The following PPP4R1 variants were observed in gnomAD, a reference collection of about 807,000 sequenced individuals.
PPP4R1 encodes the protein protein phosphatase 4 regulatory subunit 1.
Under a neutral mutation model 111.2 loss-of-function variants are expected in PPP4R1, and 42 were observed. The ratio of observed to expected loss-of-function variants is 0.38; its 90% CI spans 0.29 to 0.49. The LOEUF is 0.49. PPP4R1 is among the 20% of genes least tolerant of loss of function. PPP4R1 has a pLI of 0.97. For missense variants in PPP4R1, 1,012 were observed against 1,161.6 expected, an observed-to-expected ratio of 0.87 and a Z score of 1.87; for synonymous variants, 409 against 405.5, an observed-to-expected ratio of 1.01 and a Z score of -0.10.
At chr18:9,580,729 C>A (rs2067015445) in intron 9 of PPP4R1, among the ~76,000 whole-genome samples, 1 of 152,160 alleles carries the variant, frequency 6.6e-6, no homozygotes, top group Admixed American at 6.5e-5. Flanking sequence ...CTGGGGTCTG[C>A]TCTCCCGCAG....
chr18:9,562,701 G>C (rs1269164982), intron 12 of PPP4R1, among the ~76,000 whole-genome samples: 1 of 152,138 alleles, frequency 6.6e-6, no homozygotes, highest in Non-Finnish European at 1.5e-5. Flanking sequence ...AGTGTGTGCA[G>C]GTACTCTTTC....
At chr18:9,612,012 T>C (rs2067589474) in intron 2 of PPP4R1, among the ~76,000 whole-genome samples, 1 of 116,490 alleles carries the variant, frequency 8.6e-6, no homozygotes, top group African/African-American at 3.7e-5. Flanking sequence ...AAACTCCATC[T>C]CAAAAAAAAA....
At position 9,583,205 on chromosome 18, in the gene PPP4R1, A is replaced by C; in HGVS notation, c.830T>G (p.Met277Arg). The C allele has an allele frequency of 6.2e-7, 1 of 1,611,698 alleles. No individual in the cohort carries two copies. The highest frequency in any genetic ancestry group is 8.5e-7 in the Non-Finnish European group (1 of 1,178,220). Reference sequence around the variant, plus strand: ...TTGACATGTTGCACATGAAACCGCCATGAAGCATTCAGCACAAGCCTTTCG... The same window carrying C: ...TTGACATGTTGCACATGAAACCGCCCTGAAGCATTCAGCACAAGCCTTTCG... ...GVRKACAECF[M>R]AVSCATCQEI... is the part of the protein sequence containing the mutation. The change falls in exon 9 of 20, where the codon ATG becomes AGG. Residue 277 changes from methionine to arginine, a missense_variant. Around this residue, in one of 2 missense-constraint regions of PPP4R1, gnomAD observed 707 missense variants for 742.1 expected, o/e 0.95. Transcript: ENST00000400556.
chr18:9,611,529 T>C (rs1471440654), intron 2 of PPP4R1, among the ~76,000 whole-genome samples: 1 of 152,232 alleles, frequency 6.6e-6, no homozygotes, highest in East Asian at 1.9e-4. Flanking sequence ...CAACTGGCCA[T>C]ATGTCCAAAA....
chr18:9,555,611 A>G (rs936014749), intron 15 of PPP4R1, among the ~76,000 whole-genome samples: 2 of 152,198 alleles, frequency 1.3e-5, no homozygotes, highest in African/African-American at 4.8e-5. Flanking sequence ...AAAATACATG[A>G]CAACCTACAC....
intron 15 of PPP4R1, among the ~76,000 whole-genome samples, chr18:9,555,865 G>GCT (rs879925768): frequency 0.024 from 3,575 of 152,080 alleles, 70 homozygotes; most frequent in South Asian, 0.083. Context: ...GGCCAGGCAT[G>GCT]GTGGCTCACG....
chr18:9,612,667 A>G (rs1891579351), intron 2 of PPP4R1: 1 of 152,230 alleles, frequency 6.6e-6, no homozygotes, highest in Non-Finnish European at 1.5e-5. Flanking sequence ...TCGAGGTAAC[A>G]TAATCAGGGC....
intron 4 of PPP4R1, among the ~76,000 whole-genome samples, chr18:9,591,575 A>G (rs531711741): frequency 1.3e-5 from 2 of 152,340 alleles, no homozygotes; most frequent in Non-Finnish European, 2.9e-5. Flanking sequence ...TTATTTGTCT[A>G]AACTAAGGAT....
At chr18:9,566,242 A>G (rs1309867421) in intron 11 of PPP4R1, among the ~76,000 whole-genome samples, 2 of 152,040 alleles carry the variant, frequency 1.3e-5, no homozygotes, top group East Asian at 1.9e-4. Flanking sequence ...ACAGTCTTCT[A>G]TTGGAAGAAG....
At chr18:9,600,196 CAAAAAAAAAAAAAAA>C (rs57840721) in intron 2 of PPP4R1, among the ~76,000 whole-genome samples, 1 of 109,286 alleles carries the variant, frequency 9.2e-6, no homozygotes, top group Non-Finnish European at 1.9e-5. Context: ...TTCTATTTCC[CAAAAAAAAAAAAAAA>C]AAAAAAAATT....
chr18:9,563,665 G>T, intron 11 of PPP4R1, 115 bp from the exon 12 acceptor site: 1 of 1,001,352 alleles, frequency 1.0e-6, no homozygotes, highest in Non-Finnish European at 1.4e-6. Context: ...TTTTGACACT[G>T]CAATCAAAAA....
At chr18:9,584,436 G>A (rs985157867) in intron 8 of PPP4R1, 79 bp downstream of exon 8, 8 of 1,245,560 alleles carry the variant, frequency 6.4e-6, no homozygotes, top group Non-Finnish European at 8.8e-6. Flanking sequence ...TAAAACTTTG[G>A]AGTAAATGTG....
chr18:9,597,247 C>T (rs1407427947), intron 2 of PPP4R1, among the ~76,000 whole-genome samples: 1 of 152,144 alleles, frequency 6.6e-6, no homozygotes, highest in South Asian at 2.1e-4. Flanking sequence ...ATGAAATGAG[C>T]CCTATATTCC....
intron 3 of PPP4R1, 195 bp downstream of exon 3, chr18:9,594,813 TGCAAAGAAAG>T: frequency 2.1e-6 from 1 of 475,954 alleles, no homozygotes. Context: ...TTTTTTTTTT[TGCAAAGAAAG>T]CATGTTGTAT....
chr18:9,566,648 G>GACACACACACACACACACACAC, intron 11 of PPP4R1, among the ~76,000 whole-genome samples: 1 of 144,228 alleles, frequency 6.9e-6, no homozygotes. Flanking sequence ...GAGGCGCTGT[G>GACACACACACACACACACACAC]ACACACACAC....
At chr18:9,567,214 A>C (rs1286307263) in intron 11 of PPP4R1, among the ~76,000 whole-genome samples, 1 of 152,224 alleles carries the variant, frequency 6.6e-6, no homozygotes, top group African/African-American at 2.4e-5. Flanking sequence ...AGGTAATTTC[A>C]ACCCTCATAA....
At chr18:9,557,069 T>G (rs2066599472) in intron 15 of PPP4R1, 152 bp downstream of exon 15, 1 of 643,686 alleles carries the variant, frequency 1.6e-6, no homozygotes, top group African/African-American at 1.9e-5. Context: ...TATGGGACCA[T>G]TTCTTTTTTA....
Position 9,603,487 on chromosome 18 carries a change from C to T in PPP4R1, c.53-8334G>A, listed in dbSNP as rs151105813. On this transcript the variant is annotated intron_variant, in intron 2 of 19. Transcript: ENST00000400556. ...AATAAAACTTTAAGTTTTATATTAA[C>T]GGGAAATTCAAATTTTTAATTTCTT... Among the ~76,000 whole-genome samples the T allele has an allele frequency of 5.3e-4, 80 of 152,150 alleles. No homozygotes were observed. The East Asian group carries it at 0.014, about 26-fold the overall frequency.
intron 11 of PPP4R1, among the ~76,000 whole-genome samples, chr18:9,567,936 C>G (rs920589236): frequency 6.6e-6 from 1 of 152,178 alleles, no homozygotes; most frequent in Non-Finnish European, 1.5e-5. Context: ...CTCAGATGAT[C>G]ATCAGCATTT....
Sources: allele counts gnomAD v4.1 joint callset (sites outside exome capture counted in the v4.1 genomes callset), GRCh38; gene constraint gnomAD v4.1.1; regional missense constraint gnomAD v4.1.1; transcripts MANE v1.5; gene names NCBI Gene and HGNC (gene_info 2026-07-23, HGNC 2026-07-21).